Variants in SLF1 observed in about 807,000 individuals in gnomAD.
The protein encoded by SLF1 is SMC5-SMC6 complex localization factor protein 1.
A neutral mutation model predicts 123.0 loss-of-function variants in SLF1; 105 were observed. The observed-to-expected ratio is 0.85, with a 90% confidence interval of 0.73 to 1.00. The LOEUF is 1.00. Ranked by LOEUF, SLF1 falls within the 50% of genes least tolerant of loss-of-function variation. SLF1 has a pLI of 0.00. For missense variants in SLF1, 1,239 were observed against 1,223.0 expected, an observed-to-expected ratio of 1.01 and a Z score of -0.20; for synonymous variants, 434 against 406.6, an observed-to-expected ratio of 1.07 and a Z score of -0.81.
chr5:94,654,328 CAG>C (rs1247013121), intron 8 of SLF1, among the ~76,000 whole-genome samples: 5 of 137,000 alleles, frequency 3.6e-5, no homozygotes, highest in African/African-American at 1.4e-4. Flanking sequence ...CAATTTGGAA[CAG>C]GATAAATGAA....
At chr5:94,635,596 A>G (rs1745680798) in intron 4 of SLF1, among the ~76,000 whole-genome samples, 2 of 151,756 alleles carry the variant, frequency 1.3e-5, no homozygotes, top group South Asian at 4.1e-4. Flanking sequence ...TTGTGTATCT[A>G]GTAGAGATTT....
At chr5:94,643,185 G>T in intron 4 of SLF1, 88 bp from the exon 5 acceptor site, 1 of 1,068,114 alleles carries the variant, frequency 9.4e-7, no homozygotes. Context: ...AAGTCCATTC[G>T]TACTCCTAAG....
At chr5:94,635,760 CT>C (rs1745699945) in intron 4 of SLF1, among the ~76,000 whole-genome samples, 1 of 152,110 alleles carries the variant, frequency 6.6e-6, no homozygotes. Flanking sequence ...TTTGTATCCC[CT>C]GACAATTGTA....
At chr5:94,664,466 T>C (rs1350494219) in intron 11 of SLF1, among the ~76,000 whole-genome samples, 2 of 152,200 alleles carry the variant, frequency 1.3e-5, no homozygotes, top group African/African-American at 4.8e-5. Flanking sequence ...GGCTAATTTT[T>C]AAATTTTTTG....
intron 14 of SLF1, among the ~76,000 whole-genome samples, chr5:94,676,436 A>G (rs914324816): frequency 2.6e-5 from 4 of 152,284 alleles, no homozygotes; most frequent in South Asian, 4.1e-4. Context: ...CTGGTTTCCC[A>G]TGCCATATAG....
At chr5:94,631,997 A>T (rs1288746387) in intron 4 of SLF1, among the ~76,000 whole-genome samples, 2 of 149,174 alleles carry the variant, frequency 1.3e-5, no homozygotes, top group Non-Finnish European at 3.0e-5. Context: ...TTCCAAATTA[A>T]ATTAGCCAGG....
At chr5:94,659,638 T>G (rs113296342) in intron 9 of SLF1, among the ~76,000 whole-genome samples, 22 of 152,324 alleles carry the variant, frequency 1.4e-4, no homozygotes, top group African/African-American at 5.3e-4. Flanking sequence ...TTAGGCTACA[T>G]TTGTTAGTGG....
In SLF1 at chr5:94,670,830, A is replaced by G. The variant is rs1456823959; in HGVS notation, c.1662-13A>G. The stretch of plus-strand genomic sequence containing the variant: ...TGGCTTAAAGATATACTTTTTGTTT[A>G]TATTTTAATTAGGTTGTATGACTGG... On this transcript the variant is annotated splice_polypyrimidine_tract_variant and intron_variant, in intron 13 of 20. Transcript: ENST00000265140. 3.3e-6 allele frequency: 5 copies of G among 1,535,738 alleles called. No homozygotes were observed. Among genetic ancestry groups the G allele is most frequent in the East Asian group, 4.9e-5 (2 of 40,744 alleles).
Position 94,663,733 on chromosome 5 carries a change from A to C in SLF1, c.1210-17A>C. On this transcript the variant is annotated splice_polypyrimidine_tract_variant and intron_variant, in intron 10 of 20. Transcript: ENST00000265140. Reference sequence around the variant, plus strand: ...TATCTTTCTTTTCTCTGAATCATAGAATCTTTCCTTTCTTAGGTTAAAAAT... The same window carrying C: ...TATCTTTCTTTTCTCTGAATCATAGCATCTTTCCTTTCTTAGGTTAAAAAT... 7 of 1,498,604 alleles carry C rather than the reference A, an allele frequency of 4.7e-6. No homozygotes were observed. The highest frequency in any genetic ancestry group is 5.4e-6 in the Non-Finnish European group (6 of 1,120,666). The allele number at this position is 1,498,604 out of a possible 1,614,324, so 92.8% of individuals were successfully genotyped here.
chr5:94,674,984 G>C (rs1750878700), intron 14 of SLF1, among the ~76,000 whole-genome samples: 2 of 152,314 alleles, frequency 1.3e-5, no homozygotes, highest in Admixed American at 1.3e-4. Context: ...GCAAAGCCTT[G>C]ACTAGAGGCC....
intron 7 of SLF1, 115 bp from the exon 8 acceptor site, chr5:94,653,157 G>C (rs576085352): frequency 9.3e-7 from 1 of 1,079,570 alleles, no homozygotes; most frequent in Admixed American, 3.6e-5. Flanking sequence ...GCGCCCGGCC[G>C]TACTTCTTTA....
intron 5 of SLF1, among the ~76,000 whole-genome samples, chr5:94,646,082 A>G (rs1194498667): frequency 6.6e-6 from 1 of 152,158 alleles, no homozygotes; most frequent in African/African-American, 2.4e-5. Context: ...GAGACTCCAT[A>G]TATACAAAAA....
intron 1 of SLF1, among the ~76,000 whole-genome samples, chr5:94,625,125 G>A (rs966066454): frequency 2.0e-5 from 3 of 151,156 alleles, no homozygotes; most frequent in Admixed American, 6.6e-5. Context: ...CCCGGGAGGC[G>A]GAGCTTGCAG....
At chr5:94,634,391 T>A (rs1443549150) in intron 4 of SLF1, among the ~76,000 whole-genome samples, 1 of 152,202 alleles carries the variant, frequency 6.6e-6, no homozygotes, top group Non-Finnish European at 1.5e-5. Context: ...TCTATAAATC[T>A]AATTTTCTTT....
chr5:94,691,780 A>G lies in SLF1; in HGVS notation c.2512+124A>G, dbSNP rs1159976505. ...CTAAGGTATCTTAAAAGTATAAGAA[A>G]AATTTCTTAGCAAAGCCAAGAAATT... On this transcript the variant is annotated intron_variant, in intron 19 of 20. Coordinates refer to ENST00000265140, the MANE Select transcript of SLF1 (RefSeq NM_032290.4). The G allele has an allele frequency of 7.5e-6, 6 of 801,218 alleles. No homozygotes were observed. In the East Asian group the frequency reaches 1.8e-4, roughly 24 times the overall value. The allele number at this position is 801,218 out of a possible 1,614,324, so 49.6% of individuals were successfully genotyped here. A position where few individuals can be genotyped will look rare whatever the true frequency, so the allele number is the denominator to read the frequency against.
rs1311285999 is a variant in SLF1 at position 94,663,909 on chromosome 5, G to A, written c.1368+1G>A. 6.6e-7 allele frequency: 1 copy of A among 1,512,494 alleles called. No individual in the cohort carries two copies. The highest frequency in any genetic ancestry group is 8.8e-7 in the Non-Finnish European group (1 of 1,134,098). 93.7% of individuals were successfully genotyped at this position (1,512,494 alleles called of 1,614,324 possible). ...TGCCCTTCTAGAGAACGTTCTACAGGTAAGAGCAGCCTTAAGGATTTATAA... is the reference window on the plus strand; with the variant it reads ...TGCCCTTCTAGAGAACGTTCTACAGATAAGAGCAGCCTTAAGGATTTATAA... On this transcript the variant is annotated splice_donor_variant, in intron 11 of 20. Coordinates refer to ENST00000265140, the MANE Select transcript of SLF1 (RefSeq NM_032290.4). LOFTEE classifies it high-confidence loss of function.
At chr5:94,656,965 A>G (rs1029387255) in intron 9 of SLF1, among the ~76,000 whole-genome samples, 1 of 149,718 alleles carries the variant, frequency 6.7e-6, no homozygotes, top group Non-Finnish European at 1.5e-5. Context: ...TTTTAAGTCT[A>G]TTTTGTTTCG....
intron 6 of SLF1, among the ~76,000 whole-genome samples, chr5:94,650,755 GACT>G (rs1357527239): frequency 1.3e-5 from 2 of 152,046 alleles, no homozygotes; most frequent in African/African-American, 4.8e-5. Context: ...TGACTTAGAA[GACT>G]ACTTTTTGTA....
At chr5:94,643,497 A>G in intron 5 of SLF1, 62 bp downstream of exon 5, 4 of 1,144,160 alleles carry the variant, frequency 3.5e-6, no homozygotes, top group East Asian at 2.9e-5. Flanking sequence ...TAAAATACCA[A>G]CATAGTAAAA....
Sources: allele counts gnomAD v4.1 joint callset (sites outside exome capture counted in the v4.1 genomes callset), GRCh38; gene constraint gnomAD v4.1.1; transcripts MANE v1.5; gene names NCBI Gene and HGNC (gene_info 2026-07-23, HGNC 2026-07-21).